SPTLC1: variants seen among roughly 807,000 people sequenced by gnomAD.
The protein encoded by SPTLC1 is serine palmitoyltransferase 1.
A neutral mutation model predicts 68.9 loss-of-function variants in SPTLC1; 55 were observed. The observed-to-expected ratio is 0.80, with a 90% confidence interval of 0.64 to 1.00. SPTLC1 has a LOEUF of 1.00. Among genes scored for constraint, SPTLC1 ranks in the 50% least tolerant of loss-of-function variants. The pLI, the probability that SPTLC1 is intolerant of heterozygous loss-of-function variation, is 0.00. For missense variants in SPTLC1, 449 were observed against 573.1 expected (o/e 0.78, Z 2.21); for synonymous variants, 197 against 201.6 (o/e 0.98, Z 0.19).
At chr9:92,033,122 G>A (rs1467147569) in intron 14 of SPTLC1, among the ~76,000 whole-genome samples, 4 of 152,110 alleles carry the variant, frequency 2.6e-5, no homozygotes, top group South Asian at 4.1e-4. Flanking sequence ...TGAAGGCCTC[G>A]GCCTACACCA....
intron 3 of SPTLC1, among the ~76,000 whole-genome samples, chr9:92,098,041 T>G (rs572438871): frequency 1.3e-5 from 2 of 152,176 alleles, no homozygotes; most frequent in Non-Finnish European, 2.9e-5. Context: ...TGGACTCCGG[T>G]GAAGACTCCA....
intron 2 of SPTLC1, chr9:92,110,622 G>A (rs1163261119): frequency 6.6e-6 from 1 of 152,134 alleles, no homozygotes; most frequent in Middle Eastern, 3.2e-3. Flanking sequence ...CCATAGCACT[G>A]CTGGGAGTAC....
At chr9:92,101,288 C>G (rs189401503) in intron 3 of SPTLC1, among the ~76,000 whole-genome samples, 1 of 151,812 alleles carries the variant, frequency 6.6e-6, no homozygotes, top group Non-Finnish European at 1.5e-5. Flanking sequence ...ACAGGCCAGG[C>G]GTGGTGGCTC....
chr9:92,071,307 G>A (rs1834479832), intron 5 of SPTLC1, among the ~76,000 whole-genome samples: 2 of 152,102 alleles, frequency 1.3e-5, no homozygotes, highest in Non-Finnish European at 2.9e-5. Flanking sequence ...GGCTGAGGCA[G>A]GAGAATCGCC....
At chr9:92,093,704 AGAT>A (rs1298540638) in intron 3 of SPTLC1, among the ~76,000 whole-genome samples, 1 of 152,264 alleles carries the variant, frequency 6.6e-6, no homozygotes, top group African/African-American at 2.4e-5. Context: ...CATTTTGCCA[AGAT>A]AAACTACAAA....
intron 5 of SPTLC1, among the ~76,000 whole-genome samples, chr9:92,069,453 CAG>C (rs754630477): frequency 1.3e-3 from 204 of 152,282 alleles, no homozygotes; most frequent in African/African-American, 4.7e-3. Flanking sequence ...CAACAACACA[CAG>C]AGTTTAGAAG....
chr9:92,098,819 G>A (rs1013261887), intron 3 of SPTLC1, among the ~76,000 whole-genome samples: 1 of 152,178 alleles, frequency 6.6e-6, no homozygotes, highest in African/African-American at 2.4e-5. Context: ...CAAGCTAATG[G>A]TGATGGGACA....
At chr9:92,111,554 G>A (rs996921278) in intron 2 of SPTLC1, 2 of 151,988 alleles carry the variant, frequency 1.3e-5, no homozygotes, top group Non-Finnish European at 1.5e-5. Flanking sequence ...AGGAGGCTAC[G>A]GTATCATATG....
intron 6 of SPTLC1, among the ~76,000 whole-genome samples, chr9:92,064,833 A>G (rs1834225992): frequency 6.6e-6 from 1 of 152,240 alleles, no homozygotes; most frequent in South Asian, 2.1e-4. Flanking sequence ...GAATTACGCT[A>G]AATGAAAAAA....
Position 92,105,096 on chromosome 9 carries a change from T to C in SPTLC1, c.260+3644A>G, listed in dbSNP as rs375496661. 4 of 1,533,196 alleles carry C rather than the reference T, an allele frequency of 2.6e-6. No homozygotes were observed. In the Admixed American group the frequency reaches 5.9e-5, roughly 23 times the overall value. The allele number at this position is 1,533,196 out of a possible 1,614,324, so 95.0% of individuals were successfully genotyped here. On this transcript the variant is annotated intron_variant, in intron 3 of 14. Transcript: ENST00000262554. ...GGCTTGCTGATGGTGGGGGAGGACA[T>C]GCAGCCCAAGGATCCTGCAGCTCTT...
At chr9:92,101,411 A>T (rs1431069214) in intron 3 of SPTLC1, among the ~76,000 whole-genome samples, 3 of 151,062 alleles carry the variant, frequency 2.0e-5, no homozygotes, top group Non-Finnish European at 4.4e-5. Context: ...AAATACAAAC[A>T]ATTAGCCGGG....
intron 3 of SPTLC1, among the ~76,000 whole-genome samples, chr9:92,081,400 G>C (rs1834879553): frequency 6.6e-6 from 1 of 152,202 alleles, no homozygotes; most frequent in Non-Finnish European, 1.5e-5. Context: ...AAAAAGAAAT[G>C]TCATGTATAG....
At chr9:92,086,256 T>C (rs1290244764) in intron 3 of SPTLC1, among the ~76,000 whole-genome samples, 1 of 150,854 alleles carries the variant, frequency 6.6e-6, no homozygotes, top group Non-Finnish European at 1.5e-5. Context: ...AAAGTTAATA[T>C]TGTTATGTGT....
intron 3 of SPTLC1, among the ~76,000 whole-genome samples, chr9:92,098,059 G>A (rs770364645): frequency 4.6e-5 from 7 of 152,108 alleles, no homozygotes; most frequent in Non-Finnish European, 1.0e-4. Flanking sequence ...CCAAGATGGC[G>A]ATCGGTAACC....
intron 9 of SPTLC1, among the ~76,000 whole-genome samples, chr9:92,049,462 T>G (rs939834567): frequency 6.6e-6 from 1 of 152,120 alleles, no homozygotes; most frequent in African/African-American, 2.4e-5. Flanking sequence ...TTTTGCTGAA[T>G]GCATGCCAGT....
intron 3 of SPTLC1, among the ~76,000 whole-genome samples, chr9:92,091,297 T>C (rs562774643): frequency 1.3e-5 from 2 of 152,314 alleles, no homozygotes; most frequent in South Asian, 4.2e-4. Flanking sequence ...AGGGGTCAAG[T>C]GTAGAACCAC....
chr9:92,072,812 C>T (rs1177614564), intron 5 of SPTLC1, among the ~76,000 whole-genome samples: 1 of 152,144 alleles, frequency 6.6e-6, no homozygotes, highest in Non-Finnish European at 1.5e-5. Flanking sequence ...TACATCCAGG[C>T]ATTTTTTACT....
rs541284488 is a variant in SPTLC1, at chr9:92,031,982, T to C, written c.*483A>G. On this transcript the variant is annotated 3_prime_UTR_variant, in exon 15 of 15. Coordinates refer to ENST00000262554, the MANE Select transcript of SPTLC1 (RefSeq NM_006415.4). ...ACAACGAAGACTGGAAAATACGTGG[T>C]TTATTTAGATCTTCAATATAAATTT... 52 of 299,986 alleles carry C rather than the reference T, an allele frequency of 1.7e-4. 1 individual carries two copies. In the South Asian group the frequency reaches 5.1e-3, roughly 30 times the overall value. 18.6% of individuals were successfully genotyped at this position (299,986 alleles called of 1,614,324 possible).
At chr9:92,084,972 G>C (rs1564106792) in intron 3 of SPTLC1, among the ~76,000 whole-genome samples, 1 of 152,210 alleles carries the variant, frequency 6.6e-6, no homozygotes, top group African/African-American at 2.4e-5. Context: ...AGTCTTGGAA[G>C]GGTGTATGTG....
Sources: gnomAD v4.1 joint callset for allele counts (sites outside exome capture counted in the v4.1 genomes callset) on GRCh38, gnomAD v4.1.1 for gene constraint, MANE v1.5 for transcripts, NCBI Gene and HGNC (gene_info 2026-07-23, HGNC 2026-07-21) for gene names.